The following UBAP2L variants were observed in gnomAD, a reference collection of about 807,000 sequenced individuals.
UBAP2L encodes the protein ubiquitin-associated protein 2-like.
Under a neutral mutation model 130.6 loss-of-function variants are expected in UBAP2L, and 12 were observed. That is an observed-to-expected ratio of 0.09 (90% CI 0.06 to 0.15). UBAP2L has a LOEUF of 0.15. Ranked by LOEUF, UBAP2L falls within the 10% of genes least tolerant of loss-of-function variation. The pLI is 1.00. For synonymous variants in UBAP2L, 503 were observed against 524.7 expected (o/e 0.96, Z 0.57); for missense variants, 965 against 1,332.5 (o/e 0.72, Z 4.29).
intron 9 of UBAP2L, chr1:154,242,950 C>A: frequency 4.9e-6 from 1 of 204,248 alleles, no homozygotes; most frequent in Non-Finnish European, 9.8e-6. Context: ...TTTTTTATGT[C>A]TAGCATGCCT....
rs757057763 is a variant in UBAP2L, at chr1:154,225,230, A to G, written c.90+17A>G. ...CGGCCACAGGTAAATAATCCAAGGC[A>G]TACGGATTCATGGATAGCGTTGCCT... On this transcript the variant is annotated intron_variant, in intron 2 of 26. Transcript: ENST00000428931. The G allele has an allele frequency of 1.2e-6, 2 of 1,612,956 alleles. No homozygotes were observed. Among genetic ancestry groups the G allele is most frequent in the South Asian group, 2.2e-5 (2 of 91,034 alleles).
chr1:154,261,817 A>G (rs371705974), intron 24 of UBAP2L, 120 bp downstream of exon 24: 4 of 935,652 alleles, frequency 4.3e-6, no homozygotes, highest in South Asian at 3.0e-5. Context: ...TGCCCCAGGT[A>G]TGATTGTTAA....
chr1:154,249,179 A>G, intron 11 of UBAP2L, 60 bp from the exon 12 acceptor site: 1 of 1,555,560 alleles, frequency 6.4e-7, no homozygotes, highest in Non-Finnish European at 8.9e-7. Context: ...AAGTGTCTTT[A>G]TGAGTAGCTG....
chr1:154,257,204 G>A lies in UBAP2L; in HGVS notation c.2299G>A (p.Gly767Ser), dbSNP rs1431411390. The change falls in exon 19 of 27, where the codon GGC becomes AGC. Residue 767 changes from glycine to serine, a missense_variant. This residue lies in a region of UBAP2L where 393 missense variants were observed against 408.1 expected (regional missense o/e 0.96). Coordinates refer to ENST00000428931, the MANE Select transcript of UBAP2L (RefSeq NM_014847.4). ...NSGSSLGLSLGSNSTVTASTR... is the reference protein window; with the variant it reads ...NSGSSLGLSLSSNSTVTASTR... ...TGGCAGTAGCCTGGGCCTCAGCCTAGGCAGCAACTCCACTGTCACAGCCTC... is the reference window on the plus strand; with the variant it reads ...TGGCAGTAGCCTGGGCCTCAGCCTAAGCAGCAACTCCACTGTCACAGCCTC... The A allele has an allele frequency of 1.2e-6, 2 of 1,614,204 alleles. No individual in the cohort carries two copies. Among genetic ancestry groups the A allele is most frequent in the Admixed American group, 3.3e-5 (2 of 60,026 alleles).
In UBAP2L at chr1:154,254,830, T is replaced by TTA. The variant is rs397713791; in HGVS notation, c.1855-6_1855-5insTA. The TTA allele has an allele frequency of 1.9e-6, 3 of 1,602,290 alleles. No homozygotes were observed. Among genetic ancestry groups the TTA allele is most frequent in the East Asian group, 4.5e-5 (2 of 44,822 alleles). On this transcript the variant is annotated splice_polypyrimidine_tract_variant and splice_region_variant and intron_variant, in intron 15 of 26. Transcript: ENST00000428931. ...CTTGCTCTTCTGTTTTTTTTTTTTT[T>TTA]ACCAGAATGGCTTCAGTTCTGTGCA...
chr1:154,250,312 A>G (rs1677106125), intron 12 of UBAP2L, among the ~76,000 whole-genome samples: 2 of 152,132 alleles, frequency 1.3e-5, no homozygotes, highest in South Asian at 4.2e-4. Context: ...TTGGCCTCCC[A>G]AAGTGATGGG....
Position 154,270,601 on chromosome 1 carries a change from G to C in UBAP2L, c.*306G>C, listed in dbSNP as rs1399967161. ...CCTTTGCTTCCTCCTGTTCACCCTG[G>C]TGGTGTACGGATGAGGCGGGGAGGT... On this transcript the variant is annotated 3_prime_UTR_variant, in exon 27 of 27. Coordinates refer to ENST00000428931, the MANE Select transcript of UBAP2L (RefSeq NM_014847.4). 1 of 1,416,322 alleles carries C rather than the reference G, an allele frequency of 7.1e-7. No homozygotes were observed. Among genetic ancestry groups the C allele is most frequent in the Non-Finnish European group, 9.2e-7 (1 of 1,090,622 alleles). The allele number at this position is 1,416,322 out of a possible 1,614,324, so 87.7% of individuals were successfully genotyped here. A position where few individuals can be genotyped will look rare whatever the true frequency, so the allele number is the denominator to read the frequency against.
Position 154,249,446 on chromosome 1 carries a change from A to T in UBAP2L, c.1213+9A>T, listed in dbSNP as rs1676737049. ...ATCACTGGTGCAGTATGGTGAGAAG[A>T]TGGAAAGTGACTTGAATCTTTAAAG... On this transcript the variant is annotated intron_variant, in intron 12 of 26. Coordinates refer to ENST00000428931, the MANE Select transcript of UBAP2L (RefSeq NM_014847.4). The T allele has an allele frequency of 3.1e-6, 5 of 1,613,840 alleles. No homozygotes were observed. The highest frequency in any genetic ancestry group is 4.2e-6 in the Non-Finnish European group (5 of 1,179,984).
At chr1:154,270,879 A>G, downstream of UBAP2L, 3 of 1,545,832 alleles carry the variant, frequency 1.9e-6, no homozygotes, top group Non-Finnish European at 2.6e-6. Context: ...TGCTCCGTCT[A>G]GGACATCCTC....
At chr1:154,253,572 C>A (rs575259036) in intron 14 of UBAP2L, among the ~76,000 whole-genome samples, 1 of 151,560 alleles carries the variant, frequency 6.6e-6, no homozygotes, top group Non-Finnish European at 1.5e-5. Flanking sequence ...TTAGTAGAGA[C>A]CATGTTAGCC....
chr1:154,268,678 G>C, intron 25 of UBAP2L, 79 bp from the exon 26 acceptor site: 3 of 1,434,826 alleles, frequency 2.1e-6, no homozygotes, highest in East Asian at 2.3e-5. Context: ...CTGAGGGTCA[G>C]GGAGCTTGAG....
In UBAP2L at chr1:154,257,411, C is replaced by G; in HGVS notation, c.2419C>G (p.Pro807Ala). 1 of 1,612,974 alleles carries G rather than the reference C, an allele frequency of 6.2e-7. No homozygotes were observed. The highest frequency in any genetic ancestry group is 8.5e-7 in the Non-Finnish European group (1 of 1,180,034). Residue 807 changes from proline to alanine, a missense_variant, in exon 20 of 27, where the codon CCA (proline) becomes GCA (alanine). Pro to Ala is a conservative substitution (Grantham distance 27, BLOSUM62 -1). This residue lies in a region of UBAP2L where 393 missense variants were observed against 408.1 expected (regional missense o/e 0.96). Coordinates refer to ENST00000428931, the MANE Select transcript of UBAP2L (RefSeq NM_014847.4). ...PLLPNPYIMA[P>A]GLLHAYPPQV... is the part of the protein sequence containing the mutation. Reference sequence around the variant, plus strand: ...GTTGCCTAATCCGTATATTATGGCTCCAGGGCTGTTACATGCCTACCCGGT... The same window carrying G: ...GTTGCCTAATCCGTATATTATGGCTGCAGGGCTGTTACATGCCTACCCGGT...
chr1:154,261,811 C>G (rs936759198), intron 24 of UBAP2L, 114 bp downstream of exon 24: 6 of 1,048,718 alleles, frequency 5.7e-6, no homozygotes, highest in Non-Finnish European at 8.6e-6. Flanking sequence ...TGCCGCTGCC[C>G]CAGGTATGAT....
intron 15 of UBAP2L, 132 bp from the exon 16 acceptor site, chr1:154,254,704 A>T: frequency 1.0e-6 from 1 of 992,174 alleles, no homozygotes; most frequent in Non-Finnish European, 1.5e-6. Flanking sequence ...TATTAATATT[A>T]ATCCTTTTGG....
chr1:154,224,812 T>G (rs1377285326), intron 1 of UBAP2L, among the ~76,000 whole-genome samples: 1 of 152,224 alleles, frequency 6.6e-6, no homozygotes, highest in Admixed American at 6.5e-5. Flanking sequence ...ATGTAAAGTC[T>G]GCTTATGGGG....
intron 2 of UBAP2L, among the ~76,000 whole-genome samples, chr1:154,225,768 C>T (rs531636893): frequency 6.6e-6 from 1 of 152,176 alleles, no homozygotes; most frequent in Admixed American, 6.5e-5. Context: ...CTTACCTGGG[C>T]CATTTTAGCA....
rs1671044037 is a variant in UBAP2L at position 154,234,712 on chromosome 1, G to A, written c.401G>A (p.Arg134His). The change falls in exon 5 of 27, where the codon CGT becomes CAT. Residue 134 changes from arginine (R) to histidine (H), a missense_variant. Physicochemically the swap from Arg to His is conservative, Grantham distance 29. Coordinates refer to ENST00000428931, the MANE Select transcript of UBAP2L (RefSeq NM_014847.4). ...CGGGACAGAGACTATAGTCGGCGAC[G>A]TGGTGGGCCACCAAGACGGGGGAGA... ...RDRDRDYSRR[R>H]GGPPRRGRGA... 3 of 1,611,736 alleles carry A rather than the reference G, an allele frequency of 1.9e-6. No homozygotes were observed. In the Admixed American group the frequency reaches 5.0e-5, roughly 27 times the overall value.
chr1:154,241,316 G>A (rs955118926), intron 8 of UBAP2L, among the ~76,000 whole-genome samples, 197 bp from the exon 9 acceptor site: 3 of 152,032 alleles, frequency 2.0e-5, no homozygotes, highest in Admixed American at 6.6e-5. Flanking sequence ...TCGAACTCCC[G>A]ACCTCAAGTG....
chr1:154,251,230 C>G lies in UBAP2L; in HGVS notation c.1403C>G (p.Pro468Arg). The stretch of plus-strand genomic sequence containing the variant: ...TCCACATCGGCTCCACAGATGTCGC[C>G]TGGATCTTCAGACAACCAGTCCTCT... The part of the protein sequence containing the change: ...SKSTSAPQMS[P>R]GSSDNQSSSP... The change falls in exon 13 of 27, where the codon CCT (proline) becomes CGT (arginine). Residue 468 changes from proline (P) to arginine (R), a missense_variant. By Grantham distance (103) the Pro-to-Arg change is moderately radical. Transcript: ENST00000428931. 1 of 1,614,174 alleles carries G rather than the reference C, an allele frequency of 6.2e-7. No individual in the cohort carries two copies. Among genetic ancestry groups the G allele is most frequent in the Non-Finnish European group, 8.5e-7 (1 of 1,180,048 alleles).
Sources: allele counts gnomAD v4.1 joint callset (sites outside exome capture counted in the v4.1 genomes callset), GRCh38; gene constraint gnomAD v4.1.1; regional missense constraint gnomAD v4.1.1; transcripts MANE v1.5; gene names NCBI Gene and HGNC (gene_info 2026-07-23, HGNC 2026-07-21).